The following ATOX1 variants were observed in gnomAD, a reference collection of about 807,000 sequenced individuals.
ATOX1 encodes the protein antioxidant 1 copper chaperone.
In ATOX1, 4 loss-of-function variants were observed where a neutral mutation model predicts 7.3. The ratio of observed to expected loss-of-function variants is 0.55; its 90% CI spans 0.27 to 1.25. The LOEUF (loss-of-function observed/expected upper bound fraction) is 1.25. Ranked by LOEUF, ATOX1 falls within the 50% of genes most tolerant of loss-of-function variation. The pLI is 0.12. For missense variants in ATOX1, 68 were observed against 81.6 expected (o/e 0.83, Z 0.64); for synonymous variants, 25 against 28.7 (o/e 0.87, Z 0.41).
intron 3 of ATOX1, 57 bp downstream of exon 3, chr5:151,746,222 C>T (rs1337479226): frequency 5.4e-6 from 8 of 1,494,730 alleles, no homozygotes; most frequent in Non-Finnish European, 7.2e-6. Context: ...AAGGTGTTCG[C>T]TCTGATGAGA....
chr5:151,751,336 A>G (rs1393797995), intron 2 of ATOX1, among the ~76,000 whole-genome samples: 1 of 151,952 alleles, frequency 6.6e-6, no homozygotes. Context: ...GATGACCAAC[A>G]TATGAACTAG....
chr5:151,745,041 T>C (rs2113174719), intron 3 of ATOX1: 1 of 152,328 alleles, frequency 6.6e-6, no homozygotes, highest in Middle Eastern at 3.4e-3. Context: ...CTGGGTTCAT[T>C]CCTGAATATG....
chr5:151,745,655 AAC>A (rs1306195384), intron 3 of ATOX1: 1 of 152,398 alleles, frequency 6.6e-6, no homozygotes, highest in African/African-American at 2.4e-5. Context: ...GGAAGCTGAC[AAC>A]AGTTTCAAGT....
At chr5:151,753,679 T>C (rs1761978259) in intron 1 of ATOX1, 1 of 152,172 alleles carries the variant, frequency 6.6e-6, no homozygotes, top group African/African-American at 2.4e-5. Flanking sequence ...TTAGTGTGCA[T>C]AGGAAGAATC....
chr5:151,753,100 C>G (rs893502859), intron 1 of ATOX1, among the ~76,000 whole-genome samples: 11 of 152,166 alleles, frequency 7.2e-5, no homozygotes, highest in South Asian at 2.1e-4. Flanking sequence ...GAAATTCCAG[C>G]AACCACAAGG....
At chr5:151,752,015 G>A in intron 1 of ATOX1, 1 of 598,624 alleles carries the variant, frequency 1.7e-6, no homozygotes. Flanking sequence ...TCCTTTAGCA[G>A]TGTCTGGCAC....
At chr5:151,749,661 CA>C (rs781536166) in intron 2 of ATOX1, among the ~76,000 whole-genome samples, 193 of 54,396 alleles carry the variant, frequency 3.5e-3, no homozygotes, top group Admixed American at 5.6e-3. Context: ...ACTCCATCTC[CA>C]AAAAAAAAAA....
At chr5:151,747,274 T>A (rs1259138577) in intron 2 of ATOX1, among the ~76,000 whole-genome samples, 7 of 151,920 alleles carry the variant, frequency 4.6e-5, no homozygotes, top group Non-Finnish European at 1.0e-4. Flanking sequence ...TTTCTCTTTA[T>A]TTATTCATTT....
intron 3 of ATOX1, chr5:151,743,230 C>T (rs1209217888): frequency 6.6e-6 from 1 of 152,244 alleles, no homozygotes; most frequent in African/African-American, 2.4e-5. Flanking sequence ...CAATCACTGC[C>T]AAAGCCCTCT....
At chr5:151,748,979 T>C (rs1044049977) in intron 2 of ATOX1, among the ~76,000 whole-genome samples, 7 of 152,014 alleles carry the variant, frequency 4.6e-5, no homozygotes, top group African/African-American at 1.7e-4. Flanking sequence ...GGTCCTGTAG[T>C]CCCAGCTACT....
chr5:151,750,825 A>AT (rs1227359155), intron 2 of ATOX1, among the ~76,000 whole-genome samples: 4 of 151,286 alleles, frequency 2.6e-5, no homozygotes, highest in Admixed American at 1.3e-4. Flanking sequence ...TTTTTTTGGT[A>AT]TTTTTTGTAG....
chr5:151,754,477 G>A (rs568500603), intron 1 of ATOX1, among the ~76,000 whole-genome samples: 10 of 152,194 alleles, frequency 6.6e-5, no homozygotes, highest in African/African-American at 2.4e-4. Context: ...GCCAGGCATG[G>A]TGGCAGGTGC....
chr5:151,749,347 T>C (rs1200382062), intron 2 of ATOX1, among the ~76,000 whole-genome samples: 1 of 151,256 alleles, frequency 6.6e-6, no homozygotes, highest in East Asian at 2.0e-4. Flanking sequence ...TAGCCGGGCA[T>C]GGTGGCCTGA....
chr5:151,756,737 G>A (rs1338523496), intron 1 of ATOX1, among the ~76,000 whole-genome samples: 1 of 152,168 alleles, frequency 6.6e-6, no homozygotes, highest in Non-Finnish European at 1.5e-5. Flanking sequence ...GCCTCCCAAA[G>A]TGCTGGGATT....
At chr5:151,757,616 G>T (rs2113189418) in intron 1 of ATOX1, among the ~76,000 whole-genome samples, 1 of 152,278 alleles carries the variant, frequency 6.6e-6, no homozygotes, top group East Asian at 1.9e-4. Context: ...CATGAATTAG[G>T]CACCCTGAAG....
chr5:151,756,022 A>T (rs940066688), intron 1 of ATOX1, among the ~76,000 whole-genome samples: 12 of 149,434 alleles, frequency 8.0e-5, no homozygotes, highest in Non-Finnish European at 1.8e-4. Context: ...GCTCACTGCA[A>T]CCTCCGCCTC....
intron 1 of ATOX1, among the ~76,000 whole-genome samples, chr5:151,758,289 G>C (rs1476848661): frequency 6.6e-6 from 1 of 152,244 alleles, no homozygotes; most frequent in Non-Finnish European, 1.5e-5. Flanking sequence ...GTGTACGCAG[G>C]GAAGGTGTGG....
Position 151,758,605 on chromosome 5 carries a change from C to T in ATOX1, c.-54G>A. The T allele has an allele frequency of 7.2e-7, 1 of 1,380,156 alleles. No individual in the cohort carries two copies. The highest frequency in any genetic ancestry group is 9.4e-7 in the Non-Finnish European group (1 of 1,058,954). The allele number at this position is 1,380,156 out of a possible 1,614,324, so 85.5% of individuals were successfully genotyped here. A position where few individuals can be genotyped will look rare whatever the true frequency, so the allele number is the denominator to read the frequency against. On this transcript the variant is annotated 5_prime_UTR_variant, in exon 1 of 4. Coordinates refer to ENST00000313115, the MANE Select transcript of ATOX1 (RefSeq NM_004045.4). Reference sequence around the variant, plus strand: ...TGTGGCGGCGGTGTCAGCAGCGCCTCTCTGGATTCGGAGGGCGGGTTCGGC... The same window carrying T: ...TGTGGCGGCGGTGTCAGCAGCGCCTTTCTGGATTCGGAGGGCGGGTTCGGC...
chr5:151,747,936 C>T (rs780831170), intron 2 of ATOX1, among the ~76,000 whole-genome samples: 3 of 152,188 alleles, frequency 2.0e-5, no homozygotes, highest in Admixed American at 6.5e-5. Flanking sequence ...GGACGTACCA[C>T]ACATCCACTT....
Sources: allele counts gnomAD v4.1 joint callset (sites outside exome capture counted in the v4.1 genomes callset), GRCh38; gene constraint gnomAD v4.1.1; transcripts MANE v1.5; gene names NCBI Gene and HGNC (gene_info 2026-07-23, HGNC 2026-07-21).